The following PRKCB variants were observed in gnomAD, a reference collection of about 807,000 sequenced individuals.
The protein encoded by PRKCB is protein kinase C beta.
Under a neutral mutation model 81.5 loss-of-function variants are expected in PRKCB, and 13 were observed. The observed-to-expected ratio is 0.16, with a 90% confidence interval of 0.10 to 0.25. PRKCB has a LOEUF of 0.25. PRKCB is among the 10% of genes least tolerant of loss of function. The pLI, the probability that PRKCB is intolerant of heterozygous loss-of-function variation, is 1.00. For missense variants in PRKCB, 509 were observed against 875.7 expected (o/e 0.58, Z 5.29); for synonymous variants, 335 against 321.4 (o/e 1.04, Z -0.45).
At chr16:23,933,298 G>A (rs8051531) in intron 2 of PRKCB, among the ~76,000 whole-genome samples, 61,097 of 151,988 alleles carry the variant, frequency 0.4, 12,585 homozygotes, top group South Asian at 0.55. Context: ...GCCTAGATTT[G>A]TAGCAACACT....
chr16:23,954,120 G>A (rs536658468), intron 2 of PRKCB, among the ~76,000 whole-genome samples: 1 of 152,136 alleles, frequency 6.6e-6, no homozygotes, highest in African/African-American at 2.4e-5. Flanking sequence ...ATGTATACAT[G>A]TGCCATGTAG....
intron 2 of PRKCB, among the ~76,000 whole-genome samples, chr16:23,841,523 T>G (rs1206468361): frequency 6.6e-6 from 1 of 152,114 alleles, no homozygotes; most frequent in Non-Finnish European, 1.5e-5. Flanking sequence ...GGTCTCACTG[T>G]GTGGCCCAGG....
chr16:23,999,461 C>T (rs748015114), intron 3 of PRKCB, among the ~76,000 whole-genome samples: 10 of 152,142 alleles, frequency 6.6e-5, no homozygotes, highest in Non-Finnish European at 1.5e-4. Flanking sequence ...AGGCACTGTC[C>T]CGTGAACCTA....
intron 3 of PRKCB, among the ~76,000 whole-genome samples, chr16:24,001,788 AT>A (rs564741676): frequency 6.6e-5 from 10 of 152,142 alleles, no homozygotes; most frequent in South Asian, 2.1e-4. Flanking sequence ...AACCTTTACA[AT>A]TTTTTTTAAA....
Position 24,215,256 on chromosome 16 carries a change from G to C in PRKCB, c.*440G>C. 1 of 991,550 alleles carries C rather than the reference G, an allele frequency of 1.0e-6. No homozygotes were observed. Among genetic ancestry groups the C allele is most frequent in the Non-Finnish European group, 1.2e-6 (1 of 833,304 alleles). The allele number at this position is 991,550 out of a possible 1,614,324, so 61.4% of individuals were successfully genotyped here. A position where few individuals can be genotyped will look rare whatever the true frequency, so the allele number is the denominator to read the frequency against. On this transcript the variant is annotated 3_prime_UTR_variant, in exon 17 of 17. Transcript: ENST00000643927. The stretch of plus-strand genomic sequence containing the variant: ...AAGTGTATGGTTGCTTTGCCTAAGA[G>C]GAATCCCTCTATTTCACCTGTTCTG...
At chr16:23,854,911 C>T (rs778027572) in intron 2 of PRKCB, among the ~76,000 whole-genome samples, 1 of 152,116 alleles carries the variant, frequency 6.6e-6, no homozygotes, top group African/African-American at 2.4e-5. Context: ...AACATTTACA[C>T]CTGATAATAA....
intron 5 of PRKCB, among the ~76,000 whole-genome samples, chr16:24,065,407 A>G (rs1185356621): frequency 6.6e-6 from 1 of 151,938 alleles, no homozygotes; most frequent in Non-Finnish European, 1.5e-5. Flanking sequence ...TGCAATATGC[A>G]TCTTTGGATT....
In PRKCB at chr16:24,220,088, AC is replaced by A; in HGVS notation, c.*5275del. 6.2e-7 allele frequency: 1 copy of A among 1,614,022 alleles called. No homozygotes were observed. Among genetic ancestry groups the A allele is most frequent in the South Asian group, 1.1e-5 (1 of 91,072 alleles). Reference sequence around the variant, plus strand: ...GAATTTGCTGGCTTCTCTTATACTAACCCAGAGTTTGTCATTAATGTGTAGG... The same window carrying A: ...GAATTTGCTGGCTTCTCTTATACTAACCAGAGTTTGTCATTAATGTGTAGG... On this transcript the variant is annotated 3_prime_UTR_variant, in exon 17 of 17. Coordinates refer to ENST00000643927, the MANE Select transcript of PRKCB (RefSeq NM_002738.7).
intron 13 of PRKCB, among the ~76,000 whole-genome samples, chr16:24,182,473 A>G (rs538041973): frequency 3.4e-4 from 51 of 152,176 alleles, no homozygotes; most frequent in Non-Finnish European, 6.8e-4. Flanking sequence ...GTAAGCAGTG[A>G]TCATGCCACT....
chr16:24,021,028 C>A (rs1260885350), intron 3 of PRKCB, among the ~76,000 whole-genome samples: 2 of 140,328 alleles, frequency 1.4e-5, no homozygotes, highest in African/African-American at 5.6e-5. Flanking sequence ...TTCTTTCTTT[C>A]TTTCTTTCTT....
intron 5 of PRKCB, among the ~76,000 whole-genome samples, chr16:24,065,504 A>C (rs535246598): frequency 6.6e-6 from 1 of 152,184 alleles, no homozygotes; most frequent in African/African-American, 2.4e-5. Flanking sequence ...CCATCCTACC[A>C]TACACATTGT....
chr16:23,920,678 G>A (rs1445678592), intron 2 of PRKCB, among the ~76,000 whole-genome samples: 1 of 152,206 alleles, frequency 6.6e-6, no homozygotes, highest in Non-Finnish European at 1.5e-5. Context: ...TTGGGGAGAA[G>A]AGTGGGTGAG....
intron 9 of PRKCB, among the ~76,000 whole-genome samples, chr16:24,146,855 C>A (rs1966997759): frequency 6.6e-6 from 1 of 152,102 alleles, no homozygotes; most frequent in Non-Finnish European, 1.5e-5. Context: ...ACAAACAGCC[C>A]ACGCCCTCTA....
At chr16:24,109,432 T>A (rs1485791775) in intron 7 of PRKCB, among the ~76,000 whole-genome samples, 2 of 98,860 alleles carry the variant, frequency 2.0e-5, no homozygotes, top group Admixed American at 2.0e-4. Flanking sequence ...CCAGACGGGG[T>A]TGCGGCCGGG....
intron 7 of PRKCB, among the ~76,000 whole-genome samples, chr16:24,109,965 A>AGTCTGCAATCG: frequency 8.9e-6 from 1 of 111,902 alleles, no homozygotes; most frequent in East Asian, 2.3e-4. Context: ...GCGTGGCGGC[A>AGTCTGCAATCG]CGAGTCTGCA....
At chr16:24,001,559 A>G (rs1965034625) in intron 3 of PRKCB, among the ~76,000 whole-genome samples, 1 of 152,252 alleles carries the variant, frequency 6.6e-6, no homozygotes, top group South Asian at 2.1e-4. Context: ...ATCTGGTTGA[A>G]ATGGATGATT....
At chr16:23,941,201 T>C (rs1964137062) in intron 2 of PRKCB, among the ~76,000 whole-genome samples, 1 of 152,208 alleles carries the variant, frequency 6.6e-6, no homozygotes, top group South Asian at 2.1e-4. Context: ...GAAGTGAGCA[T>C]GGCTGTGTTC....
At chr16:24,028,330 C>A (rs542044791) in intron 3 of PRKCB, among the ~76,000 whole-genome samples, 12 of 152,318 alleles carry the variant, frequency 7.9e-5, no homozygotes, top group African/African-American at 2.9e-4. Flanking sequence ...CTAAGGTGAT[C>A]CACCCACCTC....
chr16:24,214,936 A>C lies in PRKCB; in HGVS notation c.*120A>C. ...ATGTTTGATTTTCTGATGAGACTAG[A>C]GTGACAGTGTTTCAGAACCCAAATG... On this transcript the variant is annotated 3_prime_UTR_variant, in exon 17 of 17. Transcript: ENST00000643927. The C allele has an allele frequency of 6.6e-7, 1 of 1,520,094 alleles. No individual in the cohort carries two copies. The highest frequency in any genetic ancestry group is 8.8e-7 in the Non-Finnish European group (1 of 1,139,964). 94.2% of individuals were successfully genotyped at this position (1,520,094 alleles called of 1,614,324 possible). A position where few individuals can be genotyped will look rare whatever the true frequency, so the allele number is the denominator to read the frequency against.
Sources: gnomAD v4.1 joint callset for allele counts (sites outside exome capture counted in the v4.1 genomes callset) on GRCh38, gnomAD v4.1.1 for gene constraint, MANE v1.5 for transcripts, NCBI Gene and HGNC (gene_info 2026-07-23, HGNC 2026-07-21) for gene names.